The following MMP27 variants were observed in gnomAD, a reference collection of about 807,000 sequenced individuals.
MMP27 encodes matrix metalloproteinase-27.
MMP27 carries 51 observed loss-of-function variants against 48.1 expected under a neutral mutation model. The observed-to-expected ratio is 1.06, with a 90% CI of 0.85 to 1.34. The LOEUF (loss-of-function observed/expected upper bound fraction) is 1.34. Ranked by LOEUF, MMP27 falls within the 40% of genes most tolerant of loss-of-function variation. The pLI is 0.00. For synonymous variants in MMP27, 229 were observed against 208.9 expected (o/e 1.10, Z -0.83); for missense variants, 698 against 619.3 (o/e 1.13, Z -1.35).
chr11:102,701,532 T>A (rs564534568), intron 4 of MMP27, among the ~76,000 whole-genome samples: 7 of 152,210 alleles, frequency 4.6e-5, no homozygotes, highest in Non-Finnish European at 8.8e-5. Flanking sequence ...CGCAGTGTCT[T>A]CAGACTAATA....
At chr11:102,696,186 T>A (rs1860822679) in intron 6 of MMP27, among the ~76,000 whole-genome samples, 185 bp downstream of exon 6, 1 of 152,298 alleles carries the variant, frequency 6.6e-6, no homozygotes, top group African/African-American at 2.4e-5. Flanking sequence ...TAAAGACATT[T>A]AAAAATTTAT....
intron 8 of MMP27, among the ~76,000 whole-genome samples, chr11:102,693,445 T>C (rs1160464674): frequency 2.0e-5 from 3 of 152,182 alleles, no homozygotes; most frequent in Admixed American, 2.0e-4. Context: ...TTGAGATCTC[T>C]TTCGGCTTGA....
intron 4 of MMP27, among the ~76,000 whole-genome samples, chr11:102,698,780 A>G (rs901942599): frequency 2.4e-4 from 36 of 152,236 alleles, no homozygotes; most frequent in Middle Eastern, 3.4e-3. Context: ...TCCTGGCTTA[A>G]CTATCCTATT....
intron 6 of MMP27, among the ~76,000 whole-genome samples, chr11:102,695,640 G>C (rs1456679635): frequency 6.6e-6 from 1 of 152,178 alleles, no homozygotes; most frequent in African/African-American, 2.4e-5. Context: ...GTCAGAGAAT[G>C]GTGGTGATAA....
At position 102,696,973 on chromosome 11, in the gene MMP27, A is replaced by T. The variant is rs1013594321; in HGVS notation, c.620-138T>A. 2.7e-5 allele frequency: 23 copies of T among 854,612 alleles called. No homozygotes were observed. In the African/African-American group the frequency reaches 3.9e-4, roughly 15 times the overall value. 52.9% of individuals were successfully genotyped at this position (854,612 alleles called of 1,614,324 possible). ...ATAATTCTCATATGTACCACCATTT[A>T]TCTGGGAGGTATTGCAATGCTAATA... On this transcript the variant is annotated intron_variant, in intron 4 of 9. Coordinates refer to ENST00000260229, the MANE Select transcript of MMP27 (RefSeq NM_022122.3).
At chr11:102,699,484 A>C (rs2701991) in intron 4 of MMP27, among the ~76,000 whole-genome samples, 72,017 of 150,796 alleles carry the variant, frequency 0.48, 17,489 homozygotes, top group African/African-American at 0.56. Flanking sequence ...TAAATAAATA[A>C]ATACATACAT....
chr11:102,703,677 C>A (rs1372921412), intron 2 of MMP27, among the ~76,000 whole-genome samples: 4 of 152,090 alleles, frequency 2.6e-5, no homozygotes, highest in Non-Finnish European at 5.9e-5. Context: ...CGCGTGCCAC[C>A]AGGCCCAGCT....
chr11:102,705,515 A>T (rs1861030473), intron 1 of MMP27, 98 bp downstream of exon 1: 1 of 734,374 alleles, frequency 1.4e-6, no homozygotes, highest in Middle Eastern at 3.6e-4. Flanking sequence ...AAAGTTCAGG[A>T]CTCTTTTGCA....
At position 102,702,666 on chromosome 11, in the gene MMP27, A is replaced by T. The variant is rs993007444; in HGVS notation, c.619+87T>A. On this transcript the variant is annotated intron_variant, in intron 4 of 9. Coordinates refer to ENST00000260229, the MANE Select transcript of MMP27 (RefSeq NM_022122.3). ...ATTGTGGGGACATTGGGAACTTTAC[A>T]GTTAAAAAGCAGCTAGTTACAAAGC... The T allele has an allele frequency of 9.3e-5, 134 of 1,443,460 alleles. 3 individuals carry two copies. The South Asian group carries it at 1.8e-3, about 20-fold the overall frequency. The allele number at this position is 1,443,460 out of a possible 1,614,324, so 89.4% of individuals were successfully genotyped here. A position where few individuals can be genotyped will look rare whatever the true frequency, so the allele number is the denominator to read the frequency against.
chr11:102,693,949 T>C lies in MMP27; in HGVS notation c.1150A>G (p.Thr384Ala). 2 of 1,611,024 alleles carry C rather than the reference T, an allele frequency of 1.2e-6. No homozygotes were observed. Among genetic ancestry groups the C allele is most frequent in the Non-Finnish European group, 1.7e-6 (2 of 1,178,548 alleles). Residue 384 changes from threonine (T) to alanine (A), a missense_variant, in exon 8 of 10, where the codon ACC becomes GCC. Thr to Ala is a moderately conservative substitution (Grantham distance 58, BLOSUM62 0). Transcript: ENST00000260229. Reference sequence around the variant, plus strand: ...ACAAAGAAGTAGGTTTTTCTTGTGGTCTTATCACAGACGGCTGCATCTATT... The same window carrying C: ...ACAAAGAAGTAGGTTTTTCTTGTGGCCTTATCACAGACGGCTGCATCTATT... ...KKIDAAVCDK[T>A]TRKTYFFVGI...
chr11:102,695,732 C>A (rs1241314403), intron 6 of MMP27, among the ~76,000 whole-genome samples: 3 of 152,114 alleles, frequency 2.0e-5, no homozygotes, highest in Non-Finnish European at 4.4e-5. Context: ...ATATCTTTGT[C>A]AATGGTGTAT....
At chr11:102,697,894 C>T (rs1446268765) in intron 4 of MMP27, among the ~76,000 whole-genome samples, 2 of 152,082 alleles carry the variant, frequency 1.3e-5, no homozygotes, top group African/African-American at 2.4e-5. Context: ...TATTTCCTTC[C>T]TTTGATCAGG....
At chr11:102,702,726 T>C in intron 4 of MMP27, 27 bp downstream of exon 4, 1 of 1,576,788 alleles carries the variant, frequency 6.3e-7, no homozygotes, top group South Asian at 1.2e-5. Context: ...ATAATAAGAT[T>C]TTGTTCATAA....
chr11:102,703,158 C>G, intron 2 of MMP27, 40 bp from the exon 3 acceptor site: 1 of 1,584,346 alleles, frequency 6.3e-7, no homozygotes, highest in Non-Finnish European at 8.6e-7. Flanking sequence ...CTGGCTTATT[C>G]ATGCATGAAT....
At position 102,702,899 on chromosome 11, in the gene MMP27, C is replaced by T. The variant is rs371213148; in HGVS notation, c.491-18G>A. On this transcript the variant is annotated intron_variant, in intron 3 of 9. Transcript: ENST00000260229. ...ACCATGGACTGAGATACAATTTATG[C>T]GAGGAAAAAAGATCAGCTTCCTCAA... The T allele has an allele frequency of 5.0e-5, 80 of 1,610,828 alleles. No individual in the cohort carries two copies. Among genetic ancestry groups the T allele is most frequent in the Middle Eastern group, 4.9e-4 (3 of 6,064 alleles).
chr11:102,694,219 G>A (rs937501690), intron 7 of MMP27, among the ~76,000 whole-genome samples, 154 bp from the exon 8 acceptor site: 1 of 152,104 alleles, frequency 6.6e-6, no homozygotes, highest in African/African-American at 2.4e-5. Context: ...TTCTTTAGCT[G>A]CTCATATTAT....
chr11:102,692,658 T>C (rs1860746326), intron 9 of MMP27, among the ~76,000 whole-genome samples: 1 of 152,200 alleles, frequency 6.6e-6, no homozygotes, highest in Non-Finnish European at 1.5e-5. Context: ...TTCATGTGCT[T>C]AGTCACTTCG....
chr11:102,695,199 C>A, intron 6 of MMP27, 102 bp from the exon 7 acceptor site: 1 of 1,288,014 alleles, frequency 7.8e-7, no homozygotes. Context: ...TGGTATCTTC[C>A]TCAAATAATT....
chr11:102,697,911 C>T (rs747202291), intron 4 of MMP27, among the ~76,000 whole-genome samples: 10 of 152,116 alleles, frequency 6.6e-5, no homozygotes, highest in Non-Finnish European at 1.5e-4. Context: ...CAGGGTCATC[C>T]GTATTACTGT....
Sources: allele counts gnomAD v4.1 joint callset (sites outside exome capture counted in the v4.1 genomes callset), GRCh38; gene constraint gnomAD v4.1.1; transcripts MANE v1.5; gene names NCBI Gene and HGNC (gene_info 2026-07-23, HGNC 2026-07-21).